Variants in CRPPA observed in about 807,000 individuals in gnomAD.
CRPPA encodes the protein D-ribitol-5-phosphate cytidylyltransferase.
A neutral mutation model predicts 52.0 loss-of-function variants in CRPPA; 43 were observed. The observed-to-expected ratio is 0.83, with a 90% CI of 0.65 to 1.07. CRPPA has a LOEUF of 1.07. CRPPA is among the 50% of genes least tolerant of loss of function. The pLI is 0.00. For missense variants in CRPPA, 629 were observed against 551.7 expected (o/e 1.14, Z -1.40); for synonymous variants, 250 against 203.5 (o/e 1.23, Z -1.94).
At chr7:16,142,756 CTAA>C (rs1329624033) in intron 9 of CRPPA, among the ~76,000 whole-genome samples, 3 of 152,116 alleles carry the variant, frequency 2.0e-5, no homozygotes, top group Non-Finnish European at 4.4e-5. Flanking sequence ...GTGTTAAATT[CTAA>C]TGAGGTATTA....
intron 8 of CRPPA, among the ~76,000 whole-genome samples, chr7:16,252,697 T>C (rs1048967174): frequency 2.6e-5 from 4 of 152,238 alleles, no homozygotes; most frequent in South Asian, 2.1e-4. Context: ...CTCCTCTTTG[T>C]ACCTCTGGTA....
At chr7:16,112,333 A>G (rs1782282516) in intron 9 of CRPPA, among the ~76,000 whole-genome samples, 1 of 152,158 alleles carries the variant, frequency 6.6e-6, no homozygotes, top group Non-Finnish European at 1.5e-5. Flanking sequence ...AAAAAAAAAA[A>G]GTCAATTTAC....
At chr7:16,339,263 C>T (rs544378307) in intron 3 of CRPPA, among the ~76,000 whole-genome samples, 2 of 152,060 alleles carry the variant, frequency 1.3e-5, no homozygotes, top group African/African-American at 4.8e-5. Flanking sequence ...TAACTACAGA[C>T]CAATAGCTCA....
chr7:16,315,412 T>C (rs996797445), intron 3 of CRPPA, among the ~76,000 whole-genome samples: 1 of 152,184 alleles, frequency 6.6e-6, no homozygotes, highest in Admixed American at 6.5e-5. Context: ...CCTTGATAGC[T>C]GGACATGATT....
intron 3 of CRPPA, among the ~76,000 whole-genome samples, chr7:16,355,496 G>A (rs1786271872): frequency 6.6e-6 from 1 of 152,146 alleles, no homozygotes; most frequent in Non-Finnish European, 1.5e-5. Context: ...ATGACCATTG[G>A]ATGTCTTTTC....
intron 9 of CRPPA, among the ~76,000 whole-genome samples, chr7:16,102,782 G>A (rs529329432): frequency 4.6e-5 from 7 of 152,206 alleles, no homozygotes; most frequent in South Asian, 2.1e-4. Flanking sequence ...TTAGAATGGC[G>A]ACCATTAAAA....
chr7:16,364,506 T>C (rs947959540), intron 3 of CRPPA, among the ~76,000 whole-genome samples: 1 of 152,222 alleles, frequency 6.6e-6, no homozygotes, highest in African/African-American at 2.4e-5. Context: ...CGTTGCATGC[T>C]TGTCTTTATT....
chr7:16,122,116 A>T (rs1284718935), intron 9 of CRPPA, among the ~76,000 whole-genome samples: 1 of 152,112 alleles, frequency 6.6e-6, no homozygotes, highest in African/African-American at 2.4e-5. Context: ...AGCCTAGAGC[A>T]TAATTCTCCA....
At chr7:16,344,171 C>A (rs1158237644) in intron 3 of CRPPA, among the ~76,000 whole-genome samples, 1 of 151,966 alleles carries the variant, frequency 6.6e-6, no homozygotes, top group Middle Eastern at 3.2e-3. Context: ...TTAACAAAAA[C>A]CCAAGAGGTA....
chr7:16,245,983 T>A (rs992389467), intron 8 of CRPPA, among the ~76,000 whole-genome samples: 1 of 152,118 alleles, frequency 6.6e-6, no homozygotes, highest in East Asian at 1.9e-4. Context: ...GTTGGGTGGA[T>A]GTGGCAACTT....
intron 3 of CRPPA, among the ~76,000 whole-genome samples, chr7:16,329,395 T>C (rs1040110006): frequency 2.0e-5 from 3 of 152,218 alleles, no homozygotes; most frequent in African/African-American, 4.8e-5. Flanking sequence ...GTGAAGTGCA[T>C]GGCCCTGGAA....
At chr7:16,339,361 C>T (rs1185736003) in intron 3 of CRPPA, among the ~76,000 whole-genome samples, 1 of 152,138 alleles carries the variant, frequency 6.6e-6, no homozygotes, top group Non-Finnish European at 1.5e-5. Context: ...CAAGGGGGAT[C>T]TATCTCAGGT....
At chr7:16,399,070 A>T (rs938882950) in intron 2 of CRPPA, among the ~76,000 whole-genome samples, 3 of 152,132 alleles carry the variant, frequency 2.0e-5, no homozygotes, top group African/African-American at 7.2e-5. Context: ...TTGGTGCATG[A>T]CCAACACGTG....
In CRPPA at chr7:16,421,091, T is replaced by C; in HGVS notation, c.232A>G (p.Ser78Gly). Residue 78 changes from serine (S) to glycine (G), a missense_variant, in exon 1 of 10, where the codon AGC (serine) becomes GGC (glycine). Physicochemically the swap from Ser to Gly is moderately conservative, Grantham distance 56. Transcript: ENST00000407010. ...CTCTCCAGGGCCTGTAGGGTGTAGC[T>C]GATGAGCGGCCTCTCCAGGATGGGG... ...FCPILERPLI[S>G]YTLQALERVC... The C allele has an allele frequency of 7.7e-7, 1 of 1,297,468 alleles. No individual in the cohort carries two copies. Among genetic ancestry groups the C allele is most frequent in the Non-Finnish European group, 9.8e-7 (1 of 1,015,786 alleles). 80.4% of individuals were successfully genotyped at this position (1,297,468 alleles called of 1,614,324 possible). A position where few individuals can be genotyped will look rare whatever the true frequency, so the allele number is the denominator to read the frequency against.
At chr7:16,102,438 A>G (rs1160037429) in intron 9 of CRPPA, among the ~76,000 whole-genome samples, 3 of 152,236 alleles carry the variant, frequency 2.0e-5, no homozygotes, top group Admixed American at 1.3e-4. Flanking sequence ...AATGGCAACC[A>G]GAGCCAAAAT....
At chr7:16,113,599 C>T (rs1044663334) in intron 9 of CRPPA, among the ~76,000 whole-genome samples, 7 of 151,944 alleles carry the variant, frequency 4.6e-5, no homozygotes, top group African/African-American at 1.4e-4. Flanking sequence ...AGCCTGGCAG[C>T]GTCTCTCCCA....
At chr7:16,227,538 G>A (rs915352831) in intron 8 of CRPPA, among the ~76,000 whole-genome samples, 10 of 151,500 alleles carry the variant, frequency 6.6e-5, no homozygotes, top group African/African-American at 2.4e-4. Flanking sequence ...TTTCAGACAC[G>A]TCTATTCAGG....
chr7:16,145,585 C>G (rs1782958992), intron 9 of CRPPA, among the ~76,000 whole-genome samples: 1 of 150,086 alleles, frequency 6.7e-6, no homozygotes, highest in Non-Finnish European at 1.5e-5. Flanking sequence ...CTTAATAAAA[C>G]TAGGAAAACA....
intron 6 of CRPPA, among the ~76,000 whole-genome samples, chr7:16,265,982 T>C (rs1783942502): frequency 6.6e-6 from 1 of 152,140 alleles, no homozygotes; most frequent in Non-Finnish European, 1.5e-5. Context: ...GACATCAGTG[T>C]TACTCTAGGT....
Sources: allele counts gnomAD v4.1 joint callset (sites outside exome capture counted in the v4.1 genomes callset), GRCh38; gene constraint gnomAD v4.1.1; transcripts MANE v1.5; gene names NCBI Gene and HGNC (gene_info 2026-07-23, HGNC 2026-07-21).